Variants in WDR41 observed in about 807,000 individuals in gnomAD.
WDR41 encodes WD repeat domain 41, also known as WD repeat-containing protein 41.
In WDR41, 63 loss-of-function variants were observed where a neutral mutation model predicts 69.3. The observed-to-expected ratio is 0.91, with a 90% CI of 0.74 to 1.12. The LOEUF (loss-of-function observed/expected upper bound fraction) is 1.12, where lower values mean the gene tolerates loss of function less well. Among genes scored for constraint, WDR41 ranks in the 50% most tolerant of loss-of-function variants. The probability of loss-of-function intolerance (pLI) is 0.00; values close to 1 mark genes in which losing one functional copy is unlikely to be tolerated. For synonymous variants in WDR41, 185 were observed against 192.1 expected (o/e 0.96, Z 0.31); for missense variants, 543 against 534.5 (o/e 1.02, Z -0.16).
At chr5:77,475,785 C>T (rs972376598) in intron 2 of WDR41, among the ~76,000 whole-genome samples, 1 of 152,150 alleles carries the variant, frequency 6.6e-6, no homozygotes, top group African/African-American at 2.4e-5. Context: ...CAAAGGAACG[C>T]AGTTCCTCAC....
chr5:77,601,597 T>C (rs981780111), intron 1 of WDR41, among the ~76,000 whole-genome samples: 1 of 152,194 alleles, frequency 6.6e-6, no homozygotes, highest in Non-Finnish European at 1.5e-5. Context: ...GACTAAGGGT[T>C]TGGCACTTAA....
chr5:77,459,391 C>T (rs777120494), intron 4 of WDR41, among the ~76,000 whole-genome samples: 1 of 152,144 alleles, frequency 6.6e-6, no homozygotes, highest in Non-Finnish European at 1.5e-5. Context: ...GTCTGAAGTA[C>T]TGAATCTTTA....
chr5:77,607,473 A>T (rs940466640), intron 1 of WDR41, among the ~76,000 whole-genome samples: 1 of 152,278 alleles, frequency 6.6e-6, no homozygotes, highest in Non-Finnish European at 1.5e-5. Flanking sequence ...CACTAGAAGC[A>T]GCTGGGTGCA....
At chr5:77,558,094 T>TTAAAAAAAAAAAAAAA (rs1554036365) in intron 1 of WDR41, among the ~76,000 whole-genome samples, 6 of 104,276 alleles carry the variant, frequency 5.8e-5, no homozygotes, top group African/African-American at 2.2e-4. Flanking sequence ...ATGTTCTTTT[T>TTAAAAAAAAAAAAAAA]AAAAAAAAAA....
intron 1 of WDR41, among the ~76,000 whole-genome samples, chr5:77,498,678 G>A (rs982755536): frequency 6.6e-6 from 1 of 151,904 alleles, no homozygotes; most frequent in East Asian, 1.9e-4. Flanking sequence ...AATTAACCGA[G>A]CATGGTGGCA....
intron 8 of WDR41, among the ~76,000 whole-genome samples, chr5:77,443,892 TTTTTTTTTG>T (rs1485165607): frequency 4.8e-5 from 5 of 105,030 alleles, no homozygotes; most frequent in Admixed American, 1.1e-4. Context: ...TTTTTTTTTT[TTTTTTTTTG>T]AAATGAAGTC....
intron 1 of WDR41, among the ~76,000 whole-genome samples, chr5:77,613,072 G>A (rs1744596116): frequency 6.6e-6 from 1 of 150,424 alleles, no homozygotes; most frequent in South Asian, 2.1e-4. Context: ...AAATACCTAG[G>A]AATCCAACTT....
intron 1 of WDR41, among the ~76,000 whole-genome samples, chr5:77,502,388 C>T (rs780734402): frequency 4.6e-5 from 7 of 152,052 alleles, no homozygotes; most frequent in South Asian, 2.1e-4. Flanking sequence ...ACCAAATCTA[C>T]GTTTGATAGG....
intron 1 of WDR41, among the ~76,000 whole-genome samples, chr5:77,501,918 G>A (rs1561207995): frequency 6.6e-6 from 1 of 152,196 alleles, no homozygotes; most frequent in African/African-American, 2.4e-5. Context: ...CAAAGATGGA[G>A]AGAAATCAGA....
chr5:77,438,405 C>T, intron 9 of WDR41, 44 bp from the exon 10 acceptor site: 1 of 1,608,010 alleles, frequency 6.2e-7, no homozygotes, highest in South Asian at 1.1e-5. Flanking sequence ...TAGCACTCAC[C>T]CTTCCTAGTG....
At chr5:77,444,698 T>C (rs1482236546) in intron 8 of WDR41, among the ~76,000 whole-genome samples, 1 of 152,232 alleles carries the variant, frequency 6.6e-6, no homozygotes, top group Non-Finnish European at 1.5e-5. Context: ...AGCAGGGAAC[T>C]GTACAACATA....
intron 2 of WDR41, among the ~76,000 whole-genome samples, chr5:77,471,441 G>C (rs1392264539): frequency 3.3e-5 from 5 of 152,096 alleles, no homozygotes; most frequent in African/African-American, 4.8e-5. Context: ...CAGAACTGAA[G>C]GAAATAGAGA....
intron 1 of WDR41, among the ~76,000 whole-genome samples, chr5:77,507,691 T>C (rs555420134): frequency 2.0e-5 from 3 of 152,346 alleles, no homozygotes; most frequent in South Asian, 2.1e-4. Context: ...GAGTCAAATA[T>C]AGTGATGGAA....
chr5:77,582,543 C>T, intron 1 of WDR41: 1 of 1,599,312 alleles, frequency 6.3e-7, no homozygotes, highest in Non-Finnish European at 8.5e-7. Context: ...AAGCAAAGCA[C>T]TATCACAAGG....
At chr5:77,525,542 C>T (rs1261010254) in intron 1 of WDR41, among the ~76,000 whole-genome samples, 1 of 151,624 alleles carries the variant, frequency 6.6e-6, no homozygotes, top group South Asian at 2.1e-4. Flanking sequence ...ACAGGAACCA[C>T]AAAAAAAATG....
chr5:77,549,943 C>T (rs1306826714), intron 1 of WDR41, among the ~76,000 whole-genome samples: 2 of 152,014 alleles, frequency 1.3e-5, no homozygotes, highest in African/African-American at 4.8e-5. Context: ...TAAAGCTGCA[C>T]ACCTGCAACC....
intron 11 of WDR41, 76 bp from the exon 12 acceptor site, chr5:77,436,470 A>G: frequency 6.4e-7 from 1 of 1,565,634 alleles, no homozygotes; most frequent in South Asian, 1.2e-5. Context: ...CAAAATTTAA[A>G]TGTGAAGAGG....
At chr5:77,514,670 A>C (rs1366400909) in intron 1 of WDR41, among the ~76,000 whole-genome samples, 1 of 152,238 alleles carries the variant, frequency 6.6e-6, no homozygotes, top group East Asian at 1.9e-4. Flanking sequence ...TTGTCAGGTG[A>C]TTTTGTCATT....
chr5:77,476,004 C>T (rs1041235045), intron 2 of WDR41, among the ~76,000 whole-genome samples: 6 of 152,074 alleles, frequency 3.9e-5, no homozygotes, highest in African/African-American at 1.4e-4. Flanking sequence ...AAAACCAAGG[C>T]TCCAGAACTA....
Sources: allele counts gnomAD v4.1 joint callset (sites outside exome capture counted in the v4.1 genomes callset), GRCh38; gene constraint gnomAD v4.1.1; transcripts MANE v1.5; gene names NCBI Gene and HGNC (gene_info 2026-07-23, HGNC 2026-07-21).